Variants in ATP2B2 observed in about 807,000 individuals in gnomAD.
ATP2B2 encodes the protein ATPase plasma membrane Ca2+ transporting 2.
In ATP2B2, 15 loss-of-function variants were observed where a neutral mutation model predicts 120.0. The ratio of observed to expected loss-of-function variants is 0.12; its 90% confidence interval spans 0.08 to 0.19. The LOEUF (loss-of-function observed/expected upper bound fraction) is 0.19. Ranked by LOEUF, ATP2B2 falls within the 10% of genes least tolerant of loss-of-function variation. The pLI, the probability that ATP2B2 is intolerant of heterozygous loss-of-function variation, is 1.00. For missense variants in ATP2B2, 1,045 were observed against 1,719.8 expected (o/e 0.61, Z 6.94); for synonymous variants, 694 against 700.3 (o/e 0.99, Z 0.14).
chr3:10,376,457 T>A (rs2061383323), intron 10 of ATP2B2, among the ~76,000 whole-genome samples: 1 of 152,084 alleles, frequency 6.6e-6, no homozygotes, highest in Non-Finnish European at 1.5e-5. Flanking sequence ...AAACTGAGGC[T>A]CAGATAGGGG....
rs1033841001 is a variant in ATP2B2, at chr3:10,474,757, C to A, written c.-319-24895G>T. Among the ~76,000 whole-genome samples the A allele has an allele frequency of 3.9e-5, 6 of 152,266 alleles. No individual in the cohort carries two copies. The East Asian group carries it at 1.2e-3, about 29-fold the overall frequency. ...CCAGGCAGTTCCCCTGCCATAAATG[C>A]CCTCCCATGGGCAAAGGCAAATGCT... On this transcript the variant is annotated intron_variant, in intron 1 of 22. Transcript: ENST00000360273.
intron 21 of ATP2B2, among the ~76,000 whole-genome samples, chr3:10,339,467 T>C (rs1004054554): frequency 6.6e-6 from 1 of 152,232 alleles, no homozygotes; most frequent in African/African-American, 2.4e-5. Context: ...GAGTTGGTTC[T>C]GGGCCCTCCT....
chr3:10,407,052 G>C (rs771754874), intron 3 of ATP2B2, among the ~76,000 whole-genome samples: 1 of 152,186 alleles, frequency 6.6e-6, no homozygotes, highest in Non-Finnish European at 1.5e-5. Flanking sequence ...CCAGTTGCGG[G>C]TCTTTCATCC....
chr3:10,359,755 C>CG, intron 13 of ATP2B2, 127 bp downstream of exon 13: 8 of 1,382,712 alleles, frequency 5.8e-6, no homozygotes, highest in Non-Finnish European at 8.0e-6. Context: ...GGGTGCTAGA[C>CG]GGCCACTCCA....
rs149639573 is a variant in ATP2B2, at chr3:10,346,094, G to A, written c.2448C>T (p.Ala816=). 5.0e-6 allele frequency: 8 copies of A among 1,612,042 alleles called. No homozygotes were observed. Among genetic ancestry groups the A allele is most frequent in the Admixed American group, 1.7e-5 (1 of 60,006 alleles). The change falls in exon 17 of 23, where the codon GCC becomes GCT. Residue 816 remains alanine (A), a synonymous_variant. Transcript: ENST00000360273. The surrounding 1 kb of genome is among the most constrained non-coding windows in gnomAD (Gnocchi z 4.1). ...STHTEQRQVV[A]VTGDGTNDGP... ...CGTCGTTGGTCCCGTCCCCCGTCAC[G>A]GCCACCACCTGCCGCTGCTCAGTGT...
chr3:10,533,790 G>T (rs1459536754), intron 3 of ATP2B2, among the ~76,000 whole-genome samples: 2 of 152,148 alleles, frequency 1.3e-5, no homozygotes, highest in African/African-American at 2.4e-5. Context: ...CATGTGACAT[G>T]ATGGGGCCTT....
chr3:10,436,919 C>T (rs1190413637), intron 2 of ATP2B2, among the ~76,000 whole-genome samples: 1 of 152,182 alleles, frequency 6.6e-6, no homozygotes, highest in Non-Finnish European at 1.5e-5. Context: ...ATTGTCAGGA[C>T]ATACGATGCT....
rs2060819150 is a variant in ATP2B2 at position 10,358,985 on chromosome 3, A to G, written c.1902-60T>C. On this transcript the variant is annotated intron_variant, in intron 13 of 22. Transcript: ENST00000360273. ...GGAATGCTCCTTCTGAAAGGCTTAG[A>G]GACCACCTCCCCACCCTCGTGATGC... is the stretch of plus-strand genomic sequence containing the variant. The G allele has an allele frequency of 8.5e-6, 13 of 1,528,266 alleles. No individual in the cohort carries two copies. In the Middle Eastern group the frequency reaches 7.0e-4, roughly 82 times the overall value. 94.7% of individuals were successfully genotyped at this position (1,528,266 alleles called of 1,614,324 possible). A position where few individuals can be genotyped will look rare whatever the true frequency, so the allele number is the denominator to read the frequency against.
chr3:10,559,918 A>G (rs1024127053), intron 2 of ATP2B2, among the ~76,000 whole-genome samples: 1 of 152,186 alleles, frequency 6.6e-6, no homozygotes, highest in Admixed American at 6.5e-5. Flanking sequence ...CACTCTTTCA[A>G]GTTTCTACAC....
chr3:10,680,304 C>T (rs532894576), intron 1 of ATP2B2, among the ~76,000 whole-genome samples: 2 of 151,996 alleles, frequency 1.3e-5, no homozygotes, highest in South Asian at 2.1e-4. Context: ...GCTGCAAGAG[C>T]CTGTGGTTTC....
intron 3 of ATP2B2, among the ~76,000 whole-genome samples, chr3:10,512,442 T>C (rs1295291272): frequency 7.0e-6 from 1 of 143,032 alleles, no homozygotes; most frequent in Non-Finnish European, 1.5e-5. Context: ...CTGAGCATAT[T>C]CCTGGGTGCT....
At chr3:10,423,083 C>T (rs1211929581) in intron 2 of ATP2B2, among the ~76,000 whole-genome samples, 2 of 151,964 alleles carry the variant, frequency 1.3e-5, no homozygotes, top group African/African-American at 4.8e-5. Context: ...AGCTGGGGCC[C>T]CTGAGAAAGG....
At chr3:10,513,323 A>T (rs1449337404) in intron 3 of ATP2B2, among the ~76,000 whole-genome samples, 1 of 152,108 alleles carries the variant, frequency 6.6e-6, no homozygotes, top group African/African-American at 2.4e-5. Context: ...AGGCCCTGAG[A>T]CTGGAAAAGC....
intron 1 of ATP2B2, among the ~76,000 whole-genome samples, chr3:10,670,710 G>A (rs1237883359): frequency 5.3e-5 from 8 of 152,128 alleles, no homozygotes; most frequent in Non-Finnish European, 8.8e-5. Context: ...TGTGAGCCAC[G>A]GGGCCCGGCC....
chr3:10,357,631 G>A (rs1559553988), intron 14 of ATP2B2, among the ~76,000 whole-genome samples: 2 of 152,140 alleles, frequency 1.3e-5, no homozygotes, highest in Non-Finnish European at 2.9e-5. Context: ...GGCCCTCAAA[G>A]CATCAGCACC....
chr3:10,696,032 T>G (rs531490891), intron 1 of ATP2B2, among the ~76,000 whole-genome samples: 1 of 152,234 alleles, frequency 6.6e-6, no homozygotes, highest in African/African-American at 2.4e-5. Flanking sequence ...CTTGAACAAC[T>G]TCTGTCAAAG....
chr3:10,432,513 G>A (rs1218223628), intron 2 of ATP2B2, among the ~76,000 whole-genome samples: 2 of 152,268 alleles, frequency 1.3e-5, no homozygotes, highest in African/African-American at 4.8e-5. Context: ...TTGCGGCCTG[G>A]CCTCGCATTA....
chr3:10,659,833 A>G (rs937733191), intron 1 of ATP2B2, among the ~76,000 whole-genome samples: 2 of 152,240 alleles, frequency 1.3e-5, no homozygotes, highest in Non-Finnish European at 2.9e-5. Context: ...AAAATTGATC[A>G]CATAGTTGGA....
At chr3:10,600,501 T>G (rs1351586345) in intron 2 of ATP2B2, among the ~76,000 whole-genome samples, 1 of 152,164 alleles carries the variant, frequency 6.6e-6, no homozygotes, top group Non-Finnish European at 1.5e-5. Context: ...TTAATTAAAA[T>G]GGAATCACAG....
Sources: gnomAD v4.1 joint callset for allele counts (sites outside exome capture counted in the v4.1 genomes callset) on GRCh38, gnomAD v4.1.1 for gene constraint, Gnocchi (gnomAD v3.1) non-coding constraint, MANE v1.5 for transcripts, NCBI Gene and HGNC (gene_info 2026-07-23, HGNC 2026-07-21) for gene names.